Variants in DOCK3 observed in about 807,000 individuals in gnomAD.
The protein encoded by DOCK3 is dedicator of cytokinesis 3, also known as dedicator of cytokinesis protein 3.
In DOCK3, 60 loss-of-function variants were observed where a neutral mutation model predicts 265.6. The ratio of observed to expected loss-of-function variants is 0.23; its 90% CI spans 0.18 to 0.28. The LOEUF (loss-of-function observed/expected upper bound fraction) is 0.28, where lower values mean the gene tolerates loss of function less well. DOCK3 is among the 10% of genes least tolerant of loss of function. The pLI, the probability that DOCK3 is intolerant of heterozygous loss-of-function variation, is 1.00. For missense variants in DOCK3, 1,981 were observed against 2,594.3 expected (o/e 0.76, Z 5.14); for synonymous variants, 881 against 938.0 (o/e 0.94, Z 1.11).
At chr3:50,990,099 TAAAG>T (rs1480077539) in intron 5 of DOCK3, among the ~76,000 whole-genome samples, 2 of 150,588 alleles carry the variant, frequency 1.3e-5, no homozygotes, top group East Asian at 1.9e-4. Context: ...GTCAGAAAAA[TAAAG>T]AAAAAAGACT....
chr3:51,375,929 T>C (rs2088087898), intron 51 of DOCK3, 94 bp downstream of exon 51: 2 of 1,277,794 alleles, frequency 1.6e-6, no homozygotes, highest in Non-Finnish European at 2.3e-6. Context: ...GGCTAAGCCA[T>C]ACTTCAACAC....
intron 3 of DOCK3, among the ~76,000 whole-genome samples, chr3:50,859,381 C>G (rs955988396): frequency 6.6e-6 from 1 of 151,844 alleles, no homozygotes. Context: ...CCATGCCCAG[C>G]TAATTTTTGT....
intron 5 of DOCK3, among the ~76,000 whole-genome samples, chr3:51,033,175 C>CT (rs2080120943): frequency 6.6e-6 from 1 of 152,140 alleles, no homozygotes; most frequent in African/African-American, 2.4e-5. Flanking sequence ...CAGAATTGCC[C>CT]TTATTTGATG....
In DOCK3 at chr3:50,816,567, C is replaced by T. The variant is rs113769888; in HGVS notation, c.122-25108C>T. ...AACTCCTGACCTCAGGTGATCTGCC[C>T]GCCTTGGCCTCCCAAAGTGCTGGGA... On this transcript the variant is annotated intron_variant, in intron 2 of 52. Transcript: ENST00000266037. 9.4e-3 allele frequency among the ~76,000 whole-genome samples: 1,432 copies of T among 151,972 alleles called. 18 individuals are homozygous for T. The highest frequency in any genetic ancestry group is 0.032 in the African/African-American group (1,342 of 41,442).
At chr3:50,940,816 T>C (rs964290198) in intron 5 of DOCK3, among the ~76,000 whole-genome samples, 1 of 152,074 alleles carries the variant, frequency 6.6e-6, no homozygotes, top group Non-Finnish European at 1.5e-5. Context: ...ACAAAAGCAG[T>C]TAAGTAGAGG....
At chr3:50,753,169 A>G (rs2039943395) in intron 1 of DOCK3, among the ~76,000 whole-genome samples, 1 of 152,198 alleles carries the variant, frequency 6.6e-6, no homozygotes, top group African/African-American at 2.4e-5. Context: ...GAAGAATAGA[A>G]TCTTTTTTGA....
At chr3:51,066,436 G>A (rs879638109) in intron 6 of DOCK3, among the ~76,000 whole-genome samples, 1 of 152,170 alleles carries the variant, frequency 6.6e-6, no homozygotes, top group Admixed American at 6.5e-5. Context: ...AAAAGAATAA[G>A]TATCATACTG....
rs1029038883 is a variant in DOCK3, at chr3:50,681,215, G to A, written c.37+5915G>A. 4.6e-5 allele frequency among the ~76,000 whole-genome samples: 7 copies of A among 152,244 alleles called. No homozygotes were observed. The South Asian group carries it at 1.2e-3, about 27-fold the overall frequency. ...AACATTAAGCTAAATTGTAAACATG[G>A]CACCTATTTCTGTGTAGTATTAGAT... On this transcript the variant is annotated intron_variant, in intron 1 of 52. Coordinates refer to ENST00000266037, the MANE Select transcript of DOCK3 (RefSeq NM_004947.5).
intron 1 of DOCK3, among the ~76,000 whole-genome samples, chr3:50,710,785 A>G (rs1472096854): frequency 6.6e-6 from 1 of 152,256 alleles, no homozygotes; most frequent in Non-Finnish European, 1.5e-5. Context: ...GAGTGTATAA[A>G]GAAACTGTGA....
intron 40 of DOCK3, among the ~76,000 whole-genome samples, chr3:51,351,705 G>A (rs967255362): frequency 6.8e-6 from 1 of 147,354 alleles, no homozygotes; most frequent in Non-Finnish European, 1.5e-5. Context: ...TGCCCAGGCT[G>A]GAGTACAATG....
chr3:51,197,549 A>T (rs2088386448), intron 12 of DOCK3, among the ~76,000 whole-genome samples: 1 of 151,982 alleles, frequency 6.6e-6, no homozygotes, highest in Admixed American at 6.5e-5. Context: ...AGTTTAGGAG[A>T]AGTACTCAGG....
chr3:50,982,529 C>T (rs969070437), intron 5 of DOCK3, among the ~76,000 whole-genome samples: 7 of 152,206 alleles, frequency 4.6e-5, no homozygotes, highest in African/African-American at 7.2e-5. Flanking sequence ...CCAAGGCAGC[C>T]GACTGCATCA....
chr3:50,870,473 G>A (rs2107579146), intron 3 of DOCK3, among the ~76,000 whole-genome samples: 2 of 152,012 alleles, frequency 1.3e-5, no homozygotes, highest in East Asian at 3.9e-4. Flanking sequence ...CTTTTTTCAT[G>A]TTTTTATTTT....
At chr3:50,689,436 G>C (rs2035058935) in intron 1 of DOCK3, among the ~76,000 whole-genome samples, 1 of 152,170 alleles carries the variant, frequency 6.6e-6, no homozygotes, top group Non-Finnish European at 1.5e-5. Flanking sequence ...GAAGTGCCAA[G>C]CAAAAGGGGG....
chr3:50,891,915 G>A (rs557689962), intron 4 of DOCK3, among the ~76,000 whole-genome samples: 1 of 152,124 alleles, frequency 6.6e-6, no homozygotes, highest in African/African-American at 2.4e-5. Context: ...ATCCCTACCT[G>A]GATTCAGTTT....
intron 1 of DOCK3, among the ~76,000 whole-genome samples, chr3:50,684,903 C>T (rs562294343): frequency 6.6e-5 from 10 of 151,690 alleles, no homozygotes; most frequent in East Asian, 5.8e-4. Context: ...GATTACATAA[C>T]GTATATATCA....
chr3:50,930,086 G>T (rs141530218), intron 4 of DOCK3, among the ~76,000 whole-genome samples: 73 of 152,300 alleles, frequency 4.8e-4, no homozygotes, highest in African/African-American at 1.7e-3. Flanking sequence ...AGCAGTTGAG[G>T]CCAAATTATC....
At chr3:50,985,644 T>C (rs2077870332) in intron 5 of DOCK3, among the ~76,000 whole-genome samples, 1 of 152,084 alleles carries the variant, frequency 6.6e-6, no homozygotes, top group Non-Finnish European at 1.5e-5. Flanking sequence ...TCAAAAAATA[T>C]ATATACTGAG....
chr3:50,834,411 AAC>A (rs1199739985), intron 2 of DOCK3, among the ~76,000 whole-genome samples: 1 of 152,188 alleles, frequency 6.6e-6, no homozygotes, highest in Admixed American at 6.5e-5. Context: ...AATTATTAAT[AAC>A]ACACACTAAA....
Sources: gnomAD v4.1 joint callset for allele counts (sites outside exome capture counted in the v4.1 genomes callset) on GRCh38, gnomAD v4.1.1 for gene constraint, MANE v1.5 for transcripts, NCBI Gene and HGNC (gene_info 2026-07-23, HGNC 2026-07-21) for gene names.